Variants in ATP8B4 observed in about 807,000 individuals in gnomAD.
The protein encoded by ATP8B4 is probable phospholipid-transporting ATPase IM.
ATP8B4 carries 133 observed loss-of-function variants against 145.6 expected under a neutral mutation model. The ratio of observed to expected loss-of-function variants is 0.91; its 90% CI spans 0.79 to 1.05. The LOEUF is 1.05. Ranked by LOEUF, ATP8B4 falls within the 50% of genes least tolerant of loss-of-function variation. The probability of loss-of-function intolerance (pLI) is 0.00; values close to 1 mark genes in which losing one functional copy is unlikely to be tolerated. For synonymous variants in ATP8B4, 507 were observed against 492.9 expected, an observed-to-expected ratio of 1.03 and a Z score of -0.38; for missense variants, 1,458 against 1,425.2, an observed-to-expected ratio of 1.02 and a Z score of -0.37.
intron 6 of ATP8B4, among the ~76,000 whole-genome samples, chr15:50,012,087 A>T (rs2048757087): frequency 6.6e-6 from 1 of 152,184 alleles, no homozygotes; most frequent in East Asian, 1.9e-4. Context: ...TTTCATCTCT[A>T]GCCAGAATTC....
intron 1 of ATP8B4, among the ~76,000 whole-genome samples, chr15:50,160,015 CT>C (rs35773416): frequency 1.4e-3 from 28 of 20,092 alleles, no homozygotes; most frequent in Admixed American, 6.9e-3. Flanking sequence ...CAGGTCCTGG[CT>C]TTTTTTTTTT....
chr15:49,967,320 C>A (rs1285823324), intron 13 of ATP8B4, among the ~76,000 whole-genome samples: 2 of 152,156 alleles, frequency 1.3e-5, no homozygotes, highest in Non-Finnish European at 2.9e-5. Context: ...AAACAAACTC[C>A]TCCCAGCTAA....
At chr15:50,004,587 A>G (rs1164773560) in intron 7 of ATP8B4, among the ~76,000 whole-genome samples, 1 of 152,328 alleles carries the variant, frequency 6.6e-6, no homozygotes, top group East Asian at 1.9e-4. Context: ...ATATTTAGTT[A>G]GGGTTTACTA....
At chr15:50,137,363 C>G (rs535563760) in intron 1 of ATP8B4, among the ~76,000 whole-genome samples, 1 of 152,084 alleles carries the variant, frequency 6.6e-6, no homozygotes, top group South Asian at 2.1e-4. Flanking sequence ...CTGGAAGGCT[C>G]TTCAGAGGGT....
At chr15:50,177,813 TAGCATG>T (rs2044785755) in intron 1 of ATP8B4, among the ~76,000 whole-genome samples, 1 of 152,198 alleles carries the variant, frequency 6.6e-6, no homozygotes, top group Non-Finnish European at 1.5e-5. Flanking sequence ...AACTATATTT[TAGCATG>T]TTCCCCAGGT....
chr15:49,887,099 C>T (rs1351706737), intron 23 of ATP8B4, among the ~76,000 whole-genome samples: 2 of 152,044 alleles, frequency 1.3e-5, no homozygotes, highest in African/African-American at 2.4e-5. Flanking sequence ...CATAAACCAC[C>T]GTTCCTGGCC....
chr15:50,179,449 T>C (rs947902419), intron 1 of ATP8B4, among the ~76,000 whole-genome samples: 5 of 152,126 alleles, frequency 3.3e-5, no homozygotes, highest in African/African-American at 7.2e-5. Context: ...ATAGATGTCA[T>C]TGGTGGAAGA....
chr15:50,031,006 C>T (rs909036895), intron 6 of ATP8B4, among the ~76,000 whole-genome samples: 1 of 152,180 alleles, frequency 6.6e-6, no homozygotes, highest in African/African-American at 2.4e-5. Context: ...AAGCTGAGAA[C>T]CAGAAACTGC....
chr15:49,934,949 CA>C (rs2041610683), intron 14 of ATP8B4, among the ~76,000 whole-genome samples: 1 of 152,056 alleles, frequency 6.6e-6, no homozygotes, highest in Non-Finnish European at 1.5e-5. Context: ...TCTAAAGTTA[CA>C]AGAGCAGATA....
intron 3 of ATP8B4, among the ~76,000 whole-genome samples, chr15:50,058,957 A>AG (rs1417861451): frequency 6.9e-6 from 1 of 144,780 alleles, no homozygotes; most frequent in Admixed American, 6.7e-5. Context: ...AGGGGAGGGC[A>AG]GGGAAAAAAA....
intron 5 of ATP8B4, among the ~76,000 whole-genome samples, chr15:50,041,356 CATA>C (rs1236440377): frequency 1.4e-4 from 22 of 152,192 alleles, no homozygotes; most frequent in Admixed American, 1.2e-3. Flanking sequence ...TTTGAAAAGA[CATA>C]ATGAGATGTC....
chr15:49,893,247 A>G (rs1238490075), intron 23 of ATP8B4, among the ~76,000 whole-genome samples: 2 of 152,192 alleles, frequency 1.3e-5, no homozygotes, highest in Non-Finnish European at 2.9e-5. Context: ...TTCACAGACT[A>G]ATGTGAACTG....
chr15:50,125,606 G>A (rs1395368215), intron 1 of ATP8B4, among the ~76,000 whole-genome samples: 1 of 152,122 alleles, frequency 6.6e-6, no homozygotes, highest in East Asian at 1.9e-4. Flanking sequence ...CACTACGGGA[G>A]GTTCGAAAAA....
intron 3 of ATP8B4, among the ~76,000 whole-genome samples, chr15:50,072,270 T>C (rs1299521177): frequency 1.3e-5 from 2 of 152,156 alleles, no homozygotes; most frequent in Non-Finnish European, 2.9e-5. Flanking sequence ...GAATTGAGAC[T>C]TTCTTTCATT....
At chr15:49,933,080 C>T (rs1055729330) in intron 15 of ATP8B4, among the ~76,000 whole-genome samples, 7 of 151,916 alleles carry the variant, frequency 4.6e-5, no homozygotes, top group African/African-American at 1.2e-4. Flanking sequence ...TCTGGAGGAA[C>T]CAACTGGACC....
chr15:50,087,082 C>G (rs1297380920), intron 2 of ATP8B4, among the ~76,000 whole-genome samples: 2 of 103,714 alleles, frequency 1.9e-5, no homozygotes, highest in African/African-American at 8.9e-5. Flanking sequence ...ATATAGAGAT[C>G]TATATTATAT....
At chr15:50,124,332 G>A (rs949161209) in intron 1 of ATP8B4, among the ~76,000 whole-genome samples, 2 of 151,788 alleles carry the variant, frequency 1.3e-5, no homozygotes, top group Admixed American at 6.6e-5. Context: ...CAACATAAAC[G>A]ACTGACCCAT....
intron 13 of ATP8B4, 24 bp downstream of exon 13, chr15:49,972,558 A>G: frequency 1.9e-6 from 3 of 1,596,502 alleles, no homozygotes; most frequent in South Asian, 1.1e-5. Context: ...AATATCGTTA[A>G]GAGAAAGGAA....
chr15:49,881,610 G>T (rs1230965462), intron 23 of ATP8B4, among the ~76,000 whole-genome samples: 1 of 152,128 alleles, frequency 6.6e-6, no homozygotes, highest in African/African-American at 2.4e-5. Flanking sequence ...ACTCAATGTG[G>T]CATGAGAGAA....
Sources: gnomAD v4.1 joint callset for allele counts (sites outside exome capture counted in the v4.1 genomes callset) on GRCh38, gnomAD v4.1.1 for gene constraint, MANE v1.5 for transcripts, NCBI Gene and HGNC (gene_info 2026-07-23, HGNC 2026-07-21) for gene names.